ARHGAP36: variants seen among roughly 807,000 people sequenced by gnomAD.
The protein encoded by ARHGAP36 is Rho GTPase activating protein 36.
A neutral mutation model predicts 32.9 loss-of-function variants in ARHGAP36; 7 were observed. The observed-to-expected ratio is 0.21, with a 90% CI of 0.12 to 0.40. The LOEUF (loss-of-function observed/expected upper bound fraction) is 0.40. Among genes scored for constraint, ARHGAP36 ranks in the 10% least tolerant of loss-of-function variants. The probability of loss-of-function intolerance (pLI) is 1.00; values close to 1 mark genes in which losing one functional copy is unlikely to be tolerated. For missense variants in ARHGAP36, 383 were observed against 442.2 expected, an observed-to-expected ratio of 0.87 and a Z score of 1.20; for synonymous variants, 165 against 168.3, an observed-to-expected ratio of 0.98 and a Z score of 0.15.
chrX:131,069,142 G>C (rs1280345494), intron 1 of ARHGAP36, among the ~76,000 whole-genome samples: 1 of 112,055 alleles, frequency 8.9e-6, no homozygotes, highest in Non-Finnish European at 1.9e-5. Context: ...GCCCCTGTGA[G>C]AATCTCTGAG....
intron 1 of ARHGAP36, among the ~76,000 whole-genome samples, chrX:131,080,386 C>T (rs1317163787): frequency 1.2e-5 from 1 of 82,045 alleles, no homozygotes; most frequent in Non-Finnish European, 2.5e-5. Flanking sequence ...CTTCACTGCA[C>T]TGTTAAATCT....
intron 1 of ARHGAP36, among the ~76,000 whole-genome samples, chrX:131,065,587 G>C (rs1042991947): frequency 9.0e-6 from 1 of 111,294 alleles, no homozygotes; most frequent in African/African-American, 3.3e-5. Context: ...TGAACACCTT[G>C]TATGGATTTA....
At chrX:131,084,473 TG>T (rs2148642957) in intron 5 of ARHGAP36, 66 bp downstream of exon 5, 3 of 1,155,249 alleles carry the variant, frequency 2.6e-6, no homozygotes, top group East Asian at 3.0e-5. Flanking sequence ...GTTCTGGAAA[TG>T]GGGGGAGAAA....
intron 1 of ARHGAP36, among the ~76,000 whole-genome samples, chrX:131,076,870 C>T (rs2079765580): frequency 1.8e-5 from 2 of 111,728 alleles, no homozygotes; most frequent in African/African-American, 6.5e-5. Flanking sequence ...GTTTCTGAAA[C>T]TTTCTTATTT....
rs752695138 is a variant in ARHGAP36 at position 131,084,903 on chromosome X, C to T, written c.805-11C>T. 3.2e-5 allele frequency: 39 copies of T among 1,209,170 alleles called. No individual in the cohort carries two copies. In the East Asian group the frequency reaches 1.1e-3, roughly 34 times the overall value. ...GCCAGGCAGACAGTCCCTGTCTTCT[C>T]CTTTTCCTAGCTCCGTGAAGAATTT... On this transcript the variant is annotated splice_polypyrimidine_tract_variant and intron_variant, in intron 6 of 11. Coordinates refer to ENST00000276211, the MANE Select transcript of ARHGAP36 (RefSeq NM_144967.4).
Position 131,083,199 on chromosome X carries a change from G to A in ARHGAP36, c.288G>A (p.Lys96=), listed in dbSNP as rs144633331. The change falls in exon 3 of 12, where the codon AAG becomes AAA. Residue 96 remains lysine (K), a synonymous_variant. Transcript: ENST00000276211. ...TTGACCGTCCGAACACCTTGGATAA[G>A]TGGTTTCTGATTTTGAGAGGACAGC... The part of the protein sequence containing the change: ...LPIDRPNTLD[K]WFLILRGQQR... The A allele has an allele frequency of 4.9e-4, 592 of 1,210,116 alleles. 3 individuals carry two copies. In the African/African-American group the frequency reaches 7.5e-3, roughly 15 times the overall value.
At chrX:131,088,372 G>T (rs745747518) in intron 11 of ARHGAP36, among the ~76,000 whole-genome samples, 1 of 111,981 alleles carries the variant, frequency 8.9e-6, no homozygotes, top group Non-Finnish European at 1.9e-5. Context: ...CCCTCTGAGC[G>T]CAGGGTATCT....
At chrX:131,084,586 G>A in intron 5 of ARHGAP36, 40 bp from the exon 6 acceptor site, 1 of 1,203,740 alleles carries the variant, frequency 8.3e-7, no homozygotes. Context: ...ATGGGAAAGG[G>A]ATTCAGAGAT....
In ARHGAP36 at chrX:131,081,716, A is replaced by C. The variant is rs2079800433; in HGVS notation, c.51A>C (p.Arg17Ser). Reference sequence around the variant, plus strand: ...AGGCAGCAAGGGCACTGTGCCCCAGAATCATGCCCCCTTTGCTGTTGTTGT... The same window carrying C: ...AGGCAGCAAGGGCACTGTGCCCCAGCATCATGCCCCCTTTGCTGTTGTTGT... ...FLKAARALCP[R>S]IMPPLLLLSA... The change falls in exon 2 of 12, where the codon AGA becomes AGC. Residue 17 changes from arginine (R) to serine (S), a missense_variant. Arg to Ser is a moderately radical substitution (Grantham distance 110, BLOSUM62 -1). Coordinates refer to ENST00000276211, the MANE Select transcript of ARHGAP36 (RefSeq NM_144967.4). The C allele has an allele frequency of 8.3e-7, 1 of 1,211,391 alleles. No homozygotes were observed. The highest frequency in any genetic ancestry group is 1.1e-6 in the Non-Finnish European group (1 of 895,434).
chrX:131,082,616 G>A (rs1179066515), intron 2 of ARHGAP36, among the ~76,000 whole-genome samples: 2 of 113,478 alleles, frequency 1.8e-5, no homozygotes, highest in African/African-American at 3.2e-5. Flanking sequence ...GGCGCGCACC[G>A]CGAACGCAGC....
intron 7 of ARHGAP36, 145 bp from the exon 8 acceptor site, chrX:131,085,443 A>G: frequency 1.3e-6 from 1 of 748,496 alleles, no homozygotes; most frequent in African/African-American, 2.1e-5. Flanking sequence ...CCTGAGCTCA[A>G]ATGCTTTGGA....
intron 1 of ARHGAP36, chrX:131,078,619 T>A (rs1261254806): frequency 3.3e-5 from 16 of 481,296 alleles, no homozygotes. Context: ...GTTATGTGCC[T>A]CTCTCATAGT....
chrX:131,086,641 G>T lies in ARHGAP36; in HGVS notation c.1462G>T (p.Ala488Ser), dbSNP rs752821732. The change falls in exon 11 of 12, where the codon GCT becomes TCT. Residue 488 changes from alanine (A) to serine (S), a missense_variant. This residue lies in a region of ARHGAP36 where 227 missense variants were observed against 311.3 expected (regional missense o/e 0.73). Coordinates refer to ENST00000276211, the MANE Select transcript of ARHGAP36 (RefSeq NM_144967.4). ...TGCTGAAGCCCGGGCTGCTGTCCTT[G>T]CTCAAAGCAAGCCTTCTGATGAAGG... ...TSAEARAAVL[A>S]QSKPSDEGSS... 2 of 1,210,167 alleles carry T rather than the reference G, an allele frequency of 1.7e-6. No homozygotes were observed. Among genetic ancestry groups the T allele is most frequent in the Non-Finnish European group, 2.2e-6 (2 of 895,278 alleles).
At chrX:131,083,076 C>T in intron 2 of ARHGAP36, 89 bp from the exon 3 acceptor site, 1 of 933,540 alleles carries the variant, frequency 1.1e-6, no homozygotes, top group South Asian at 2.5e-5. Context: ...CCGCTCCCTC[C>T]CCCTGCTGCA....
chrX:131,084,883 G>A (rs2079826233), intron 6 of ARHGAP36, 31 bp from the exon 7 acceptor site: 1 of 1,205,777 alleles, frequency 8.3e-7, no homozygotes, highest in Admixed American at 2.2e-5. Context: ...GGTGGGCCAG[G>A]CAGACAGTCC....
rs1380539750 is a variant in ARHGAP36 at position 131,085,289 on chromosome X, G to A, written c.955+225G>A. ...GGTTACTTTCTTTGTATTTCTAAAT[G>A]TTCCATTATAAGTCTGTTGCTTGGA... On this transcript the variant is annotated intron_variant, in intron 7 of 11. Transcript: ENST00000276211. Among the ~76,000 whole-genome samples the A allele has an allele frequency of 4.6e-5, 5 of 108,329 alleles. No homozygotes were observed. The East Asian group carries it at 1.2e-3, about 25-fold the overall frequency. The allele number at this position is 108,329 out of a possible 115,157, so 94.1% of individuals were successfully genotyped here.
chrX:131,078,831 G>A, intron 1 of ARHGAP36: 1 of 782,515 alleles, frequency 1.3e-6, no homozygotes, highest in Non-Finnish European at 1.7e-6. Context: ...GCTGGAGCAG[G>A]GAGGCAATGA....
intron 1 of ARHGAP36, among the ~76,000 whole-genome samples, chrX:131,072,355 G>A (rs2079737614): frequency 1.8e-5 from 2 of 112,221 alleles, no homozygotes; most frequent in Admixed American, 9.4e-5. Context: ...TAGACAGGAA[G>A]GGGAAACAAA....
intron 1 of ARHGAP36, among the ~76,000 whole-genome samples, chrX:131,078,507 TTTGGAGCAAGAGAGGTCTC>T (rs2079776813): frequency 8.9e-6 from 1 of 112,336 alleles, no homozygotes; most frequent in Non-Finnish European, 1.9e-5. Context: ...GGGAAAACAC[TTTGGAGCAAGAGAGGTCTC>T]TTGGCACCTC....
Sources: allele counts gnomAD v4.1 joint callset (sites outside exome capture counted in the v4.1 genomes callset), GRCh38; gene constraint gnomAD v4.1.1; regional missense constraint gnomAD v4.1.1; transcripts MANE v1.5; gene names NCBI Gene and HGNC (gene_info 2026-07-23, HGNC 2026-07-21).